Variants in ADARB2 observed in about 807,000 individuals in gnomAD.
ADARB2 encodes the protein inactive double-stranded RNA-specific editase B2.
ADARB2 carries 25 observed loss-of-function variants against 62.2 expected under a neutral mutation model. The observed-to-expected ratio is 0.40, with a 90% CI of 0.29 to 0.56. The LOEUF is 0.56. Ranked by LOEUF, ADARB2 falls within the 20% of genes least tolerant of loss-of-function variation. ADARB2 has a pLI of 0.43. For synonymous variants in ADARB2, 572 were observed against 500.8 expected, an observed-to-expected ratio of 1.14 and a Z score of -1.90; for missense variants, 1,071 against 1,077.4, an observed-to-expected ratio of 0.99 and a Z score of 0.08.
At chr10:1,333,267 T>C (rs191433947) in intron 3 of ADARB2, among the ~76,000 whole-genome samples, 1 of 152,342 alleles carries the variant, frequency 6.6e-6, no homozygotes, top group African/African-American at 2.4e-5. Context: ...AGGCACCTAG[T>C]GATGCTTTGC....
chr10:1,336,280 C>A (rs1254243249), intron 3 of ADARB2, among the ~76,000 whole-genome samples: 1 of 152,206 alleles, frequency 6.6e-6, no homozygotes, highest in Non-Finnish European at 1.5e-5. Flanking sequence ...AAGCAATTAT[C>A]TTGTTATTGT....
chr10:1,478,435 G>C (rs1831428484), intron 1 of ADARB2, among the ~76,000 whole-genome samples: 1 of 152,098 alleles, frequency 6.6e-6, no homozygotes, highest in African/African-American at 2.4e-5. Context: ...TAGTACCCTG[G>C]GTCCAACTCT....
At chr10:1,612,345 GC>G (rs1277852100) in intron 1 of ADARB2, among the ~76,000 whole-genome samples, 1 of 152,236 alleles carries the variant, frequency 6.6e-6, no homozygotes, top group African/African-American at 2.4e-5. Flanking sequence ...GCCCTCCCCA[GC>G]CAGGACCCGA....
At chr10:1,631,523 G>T (rs949293005) in intron 1 of ADARB2, among the ~76,000 whole-genome samples, 1 of 152,220 alleles carries the variant, frequency 6.6e-6, no homozygotes, top group South Asian at 2.1e-4. Context: ...GAACAGCAGT[G>T]CTTCCGTCAC....
At chr10:1,243,742 T>TCCAGCCTC (rs1175903074) in intron 4 of ADARB2, among the ~76,000 whole-genome samples, 1 of 152,212 alleles carries the variant, frequency 6.6e-6, no homozygotes, top group Non-Finnish European at 1.5e-5. Context: ...GGTCTGTCTG[T>TCCAGCCTC]CCAGCCTCCT....
At chr10:1,512,142 C>A (rs565524362) in intron 1 of ADARB2, among the ~76,000 whole-genome samples, 1 of 151,148 alleles carries the variant, frequency 6.6e-6, no homozygotes, top group African/African-American at 2.4e-5. Context: ...AACAAGACAT[C>A]GATGCTGTCC....
chr10:1,289,136 C>T (rs1458926650), intron 3 of ADARB2, among the ~76,000 whole-genome samples: 5 of 152,188 alleles, frequency 3.3e-5, no homozygotes, highest in African/African-American at 1.2e-4. Flanking sequence ...ACCCTGGTCT[C>T]CACACCCCTT....
At chr10:1,418,892 G>C (rs888238762) in intron 1 of ADARB2, among the ~76,000 whole-genome samples, 1 of 152,064 alleles carries the variant, frequency 6.6e-6, no homozygotes, top group Non-Finnish European at 1.5e-5. Flanking sequence ...TGTTTTGTGC[G>C]TGCTGTCGGA....
chr10:1,293,372 G>A (rs1051800618), intron 3 of ADARB2, among the ~76,000 whole-genome samples: 15 of 151,180 alleles, frequency 9.9e-5, no homozygotes, highest in African/African-American at 3.4e-4. Context: ...GGAAGGGAAG[G>A]AGAGAGAGAT....
intron 1 of ADARB2, among the ~76,000 whole-genome samples, chr10:1,416,182 G>T (rs755497421): frequency 1.3e-5 from 2 of 152,140 alleles, no homozygotes; most frequent in African/African-American, 4.8e-5. Flanking sequence ...GAACATATGC[G>T]GTTCATATTC....
intron 1 of ADARB2, among the ~76,000 whole-genome samples, chr10:1,625,233 T>C (rs898751581): frequency 2.6e-5 from 4 of 152,238 alleles, no homozygotes; most frequent in African/African-American, 9.6e-5. Flanking sequence ...TCTCAGCTCA[T>C]GTGCTGAGTC....
At chr10:1,663,920 G>A (rs1432665491) in intron 1 of ADARB2, among the ~76,000 whole-genome samples, 2 of 152,140 alleles carry the variant, frequency 1.3e-5, no homozygotes, top group Non-Finnish European at 2.9e-5. Flanking sequence ...GCCTGGCCAG[G>A]TCATTTCTTT....
intron 4 of ADARB2, among the ~76,000 whole-genome samples, chr10:1,264,922 T>A (rs527402784): frequency 2.0e-5 from 3 of 152,370 alleles, no homozygotes; most frequent in Non-Finnish European, 4.4e-5. Context: ...ATTTTCAGAA[T>A]ATGTTTTGTA....
At position 1,326,782 on chromosome 10, in the gene ADARB2, T is replaced by TCCC. The variant is rs1831852797; in HGVS notation, c.1077+36245_1077+36246insGGG. Among the ~76,000 whole-genome samples the TCCC allele has an allele frequency of 8.1e-4, 42 of 51,776 alleles. 11 individuals carry two copies. Among genetic ancestry groups the TCCC allele is most frequent in the South Asian group, 4.5e-3 (6 of 1,326 alleles). 34.0% of individuals were successfully genotyped at this position (51,776 alleles called of 152,430 possible). Reference sequence around the variant, plus strand: ...GCGCCTCTGGTAGCACAGCCCCTCCTCACTGCCCAGCGCCTCCCCACGGCC... The same window carrying TCCC: ...GCGCCTCTGGTAGCACAGCCCCTCCTCCCCACTGCCCAGCGCCTCCCCACGGCC... On this transcript the variant is annotated intron_variant, in intron 3 of 9. Coordinates refer to ENST00000381312, the MANE Select transcript of ADARB2 (RefSeq NM_018702.4).
rs12262046 is a variant in ADARB2 at position 1,539,708 on chromosome 10, C to T, written c.101-160548G>A. ...TTTTATTTACAGGGGCTGGATCAAA[C>T]GTATATTTTATGTGATAAGTGGAAA... is the stretch of plus-strand genomic sequence containing the variant. On this transcript the variant is annotated intron_variant, in intron 1 of 9. Transcript: ENST00000381312. Among the ~76,000 whole-genome samples the T allele has an allele frequency of 6.4e-3, 975 of 152,266 alleles. 11 individuals carry two copies. Among genetic ancestry groups the T allele is most frequent in the African/African-American group, 0.022 (921 of 41,560 alleles).
intron 1 of ADARB2, among the ~76,000 whole-genome samples, chr10:1,467,197 A>AATACTG: frequency 6.6e-6 from 1 of 152,284 alleles, no homozygotes; most frequent in East Asian, 1.9e-4. Flanking sequence ...TTCTATCTTT[A>AATACTG]ATACTGTAAC....
chr10:1,193,494 G>T (rs1174298330), intron 8 of ADARB2, among the ~76,000 whole-genome samples: 1 of 152,154 alleles, frequency 6.6e-6, no homozygotes, highest in African/African-American at 2.4e-5. Flanking sequence ...GTATTTTTGT[G>T]CCCTAGTACT....
intron 1 of ADARB2, among the ~76,000 whole-genome samples, chr10:1,736,009 C>T (rs1835295985): frequency 6.6e-6 from 1 of 152,196 alleles, no homozygotes; most frequent in East Asian, 1.9e-4. Flanking sequence ...ACGTTGCCTC[C>T]TGCTTTCAAA....
At chr10:1,339,822 G>A (rs1351305393) in intron 3 of ADARB2, among the ~76,000 whole-genome samples, 1 of 152,218 alleles carries the variant, frequency 6.6e-6, no homozygotes, top group Non-Finnish European at 1.5e-5. Context: ...AAAAAGGAAT[G>A]CATTCCCAAC....
Sources: gnomAD v4.1 joint callset for allele counts (sites outside exome capture counted in the v4.1 genomes callset) on GRCh38, gnomAD v4.1.1 for gene constraint, MANE v1.5 for transcripts, NCBI Gene and HGNC (gene_info 2026-07-23, HGNC 2026-07-21) for gene names.